ROBO2: variants seen among roughly 807,000 people sequenced by gnomAD.
ROBO2 encodes the protein roundabout guidance receptor 2.
In ROBO2, 53 loss-of-function variants were observed where a neutral mutation model predicts 160.8. The ratio of observed to expected loss-of-function variants is 0.33; its 90% confidence interval spans 0.26 to 0.41. The LOEUF is 0.41. Among genes scored for constraint, ROBO2 ranks in the 10% least tolerant of loss-of-function variants. ROBO2 has a pLI of 1.00. For synonymous variants in ROBO2, 664 were observed against 611.7 expected (o/e 1.09, Z -1.26); for missense variants, 1,577 against 1,722.4 (o/e 0.92, Z 1.49).
chr3:77,164,889 G>C (rs1424082252), intron 2 of ROBO2, among the ~76,000 whole-genome samples: 1 of 102,620 alleles, frequency 9.7e-6, no homozygotes, highest in African/African-American at 3.2e-5. Flanking sequence ...AGGGAGGTGG[G>C]GGGGTCAGCC....
At chr3:76,659,482 G>T (rs1369607288) in intron 2 of ROBO2, among the ~76,000 whole-genome samples, 2 of 151,530 alleles carry the variant, frequency 1.3e-5, no homozygotes, top group Non-Finnish European at 2.9e-5. Flanking sequence ...GCAGTATATT[G>T]CTCTGTATTC....
chr3:76,348,210 A>G (rs1256311812), intron 2 of ROBO2, among the ~76,000 whole-genome samples: 1 of 152,124 alleles, frequency 6.6e-6, no homozygotes, highest in African/African-American at 2.4e-5. Flanking sequence ...AGTCTCCCAC[A>G]GTCAGTATCA....
intron 2 of ROBO2, among the ~76,000 whole-genome samples, chr3:76,708,663 G>A (rs917108153): frequency 2.6e-5 from 4 of 152,128 alleles, no homozygotes; most frequent in African/African-American, 9.7e-5. Flanking sequence ...CCAGCAATTT[G>A]GACTTCATTC....
intron 2 of ROBO2, among the ~76,000 whole-genome samples, chr3:76,506,138 T>C (rs913560784): frequency 6.6e-6 from 1 of 152,188 alleles, no homozygotes; most frequent in African/African-American, 2.4e-5. Context: ...GGTGAATTCC[T>C]TTTACTTACA....
At chr3:76,491,539 A>G (rs1476745066) in intron 2 of ROBO2, among the ~76,000 whole-genome samples, 15 of 152,198 alleles carry the variant, frequency 9.9e-5, no homozygotes. Context: ...GCTGCCTGGC[A>G]TATACTCTTT....
intron 2 of ROBO2, among the ~76,000 whole-genome samples, chr3:76,793,689 A>G (rs1056928825): frequency 6.6e-6 from 1 of 151,626 alleles, no homozygotes; most frequent in Non-Finnish European, 1.5e-5. Flanking sequence ...ATGGTGGTGT[A>G]CTGCACCCAT....
intron 2 of ROBO2, among the ~76,000 whole-genome samples, chr3:77,145,688 T>C (rs189050971): frequency 7.4e-4 from 112 of 152,312 alleles, no homozygotes; most frequent in Non-Finnish European, 1.3e-3. Context: ...AGATAATCGA[T>C]GGAAAGACTT....
At chr3:76,744,608 C>T (rs926191424) in intron 2 of ROBO2, among the ~76,000 whole-genome samples, 2 of 151,984 alleles carry the variant, frequency 1.3e-5, no homozygotes, top group Non-Finnish European at 2.9e-5. Flanking sequence ...GCAATCCTTC[C>T]ACTTCAACAT....
intron 16 of ROBO2, among the ~76,000 whole-genome samples, chr3:77,586,300 T>C (rs982177040): frequency 3.9e-5 from 6 of 152,164 alleles, no homozygotes; most frequent in African/African-American, 1.4e-4. Flanking sequence ...TCTTGCTTAA[T>C]AGTATAGTTA....
intron 1 of ROBO2, among the ~76,000 whole-genome samples, chr3:77,086,706 T>C (rs2069369937): frequency 6.6e-6 from 1 of 152,160 alleles, no homozygotes; most frequent in African/African-American, 2.4e-5. Context: ...AAATCAGTCA[T>C]TGTGTGCATC....
intron 2 of ROBO2, among the ~76,000 whole-genome samples, chr3:77,263,882 A>G (rs1017688728): frequency 3.3e-5 from 5 of 152,324 alleles, no homozygotes; most frequent in South Asian, 4.1e-4. Flanking sequence ...ACACACACAC[A>G]TAGTTAGTGT....
At chr3:76,335,450 G>A (rs2073818576) in intron 2 of ROBO2, among the ~76,000 whole-genome samples, 1 of 151,950 alleles carries the variant, frequency 6.6e-6, no homozygotes, top group South Asian at 2.1e-4. Context: ...CCAAAGTGCT[G>A]GGATTACAGG....
chr3:77,625,215 A>C (rs1559753850), intron 23 of ROBO2, among the ~76,000 whole-genome samples: 1 of 152,168 alleles, frequency 6.6e-6, no homozygotes, highest in Admixed American at 6.6e-5. Context: ...ACTGGATAAT[A>C]TGTATATTTG....
intron 2 of ROBO2, among the ~76,000 whole-genome samples, chr3:77,323,195 T>A (rs552132076): frequency 6.6e-6 from 1 of 151,030 alleles, no homozygotes; most frequent in East Asian, 2.0e-4. Flanking sequence ...TCCATAAACA[T>A]ATTTCCCACA....
intron 2 of ROBO2, among the ~76,000 whole-genome samples, chr3:76,060,311 AAAAACCTAAT>A: frequency 6.6e-6 from 1 of 152,360 alleles, no homozygotes; most frequent in African/African-American, 2.4e-5. Flanking sequence ...CAGAATAGAA[AAAAACCTAAT>A]ATGGGTATTG....
intron 2 of ROBO2, among the ~76,000 whole-genome samples, chr3:76,012,742 A>G (rs1430050099): frequency 6.6e-6 from 1 of 152,184 alleles, no homozygotes; most frequent in Non-Finnish European, 1.5e-5. Context: ...AGTTCCTTCC[A>G]TTGGAAAAAT....
intron 2 of ROBO2, among the ~76,000 whole-genome samples, chr3:77,465,270 T>C (rs1582177638): frequency 6.6e-6 from 1 of 152,302 alleles, no homozygotes; most frequent in East Asian, 1.9e-4. Context: ...TCGTAGACTT[T>C]CTGGTAAATC....
chr3:76,596,276 G>C (rs1166808222), intron 2 of ROBO2, among the ~76,000 whole-genome samples: 1 of 152,050 alleles, frequency 6.6e-6, no homozygotes, highest in Non-Finnish European at 1.5e-5. Flanking sequence ...AACATATATT[G>C]AAATGGGACA....
At chr3:77,477,722 G>A in intron 3 of ROBO2, 151 bp downstream of exon 3, 1 of 846,310 alleles carries the variant, frequency 1.2e-6, no homozygotes, top group Non-Finnish European at 1.9e-6. Context: ...AAAAACATTT[G>A]GATGAGACTA....
Sources: allele counts gnomAD v4.1 joint callset (sites outside exome capture counted in the v4.1 genomes callset), GRCh38; gene constraint gnomAD v4.1.1; transcripts MANE v1.5; gene names NCBI Gene and HGNC (gene_info 2026-07-23, HGNC 2026-07-21).